The following NALF1 variants were observed in gnomAD, a reference collection of about 807,000 sequenced individuals.
The protein encoded by NALF1 is family with sequence similarity 155 member A.
Under a neutral mutation model 48.4 loss-of-function variants are expected in NALF1, and 3 were observed. That is an observed-to-expected ratio of 0.06 (90% CI 0.03 to 0.16). NALF1 has a LOEUF of 0.16. NALF1 is among the 10% of genes least tolerant of loss of function. NALF1 has a pLI of 1.00. For missense variants in NALF1, 526 were observed against 571.5 expected, an observed-to-expected ratio of 0.92 and a Z score of 0.81; for synonymous variants, 262 against 245.7, an observed-to-expected ratio of 1.07 and a Z score of -0.62.
intron 1 of NALF1, among the ~76,000 whole-genome samples, chr13:107,246,401 G>A (rs6492042): frequency 0.32 from 48,706 of 151,870 alleles, 8,220 homozygotes; most frequent in East Asian, 0.52. Flanking sequence ...TCCTGCTAGA[G>A]TATTATAAGC....
At chr13:107,643,383 A>C (rs904080369) in intron 1 of NALF1, among the ~76,000 whole-genome samples, 3 of 152,182 alleles carry the variant, frequency 2.0e-5, no homozygotes, top group African/African-American at 4.8e-5. Flanking sequence ...ACCATAGTTT[A>C]ATAAACTCTT....
chr13:107,213,435 C>T (rs897950640), intron 1 of NALF1, among the ~76,000 whole-genome samples: 1 of 152,066 alleles, frequency 6.6e-6, no homozygotes, highest in African/African-American at 2.4e-5. Context: ...TGAGCTACCT[C>T]CTGGGCTTTG....
intron 1 of NALF1, among the ~76,000 whole-genome samples, chr13:107,591,285 A>T (rs1878596488): frequency 6.6e-6 from 1 of 152,048 alleles, no homozygotes; most frequent in South Asian, 2.1e-4. Context: ...ATGCAGTGAC[A>T]TATGAGTAAC....
intron 1 of NALF1, among the ~76,000 whole-genome samples, chr13:107,645,753 T>C (rs1880299778): frequency 6.6e-6 from 1 of 151,940 alleles, no homozygotes; most frequent in Non-Finnish European, 1.5e-5. Flanking sequence ...CTTAGACTTC[T>C]GCCCTGAGCA....
At chr13:107,787,712 C>T (rs1478164920) in intron 1 of NALF1, among the ~76,000 whole-genome samples, 1 of 152,172 alleles carries the variant, frequency 6.6e-6, no homozygotes, top group Non-Finnish European at 1.5e-5. Flanking sequence ...AAAATTACTA[C>T]CAGTATAAAA....
At chr13:107,287,878 TG>T (rs1282492757) in intron 1 of NALF1, among the ~76,000 whole-genome samples, 1 of 151,512 alleles carries the variant, frequency 6.6e-6, no homozygotes, top group African/African-American at 2.4e-5. Flanking sequence ...GCTAATTTTT[TG>T]TATTTTTAGT....
chr13:107,349,535 G>T (rs1407710426), intron 1 of NALF1, among the ~76,000 whole-genome samples: 1 of 152,004 alleles, frequency 6.6e-6, no homozygotes, highest in Non-Finnish European at 1.5e-5. Context: ...GAGGTCAGGA[G>T]ATCGAGACCA....
chr13:107,297,183 G>T (rs374078232), intron 1 of NALF1, among the ~76,000 whole-genome samples: 2 of 152,070 alleles, frequency 1.3e-5, no homozygotes, highest in Non-Finnish European at 2.9e-5. Context: ...ATTATAACTT[G>T]ATTATCTCCT....
At chr13:107,465,639 A>G (rs1245217749) in intron 1 of NALF1, among the ~76,000 whole-genome samples, 1 of 152,182 alleles carries the variant, frequency 6.6e-6, no homozygotes, top group Non-Finnish European at 1.5e-5. Flanking sequence ...ACTGGCAATG[A>G]TGCTATGGCT....
At chr13:107,825,844 C>T (rs113730429) in intron 1 of NALF1, among the ~76,000 whole-genome samples, 11 of 152,242 alleles carry the variant, frequency 7.2e-5, no homozygotes, top group African/African-American at 2.2e-4. Flanking sequence ...GCAATGGCAA[C>T]ATCTCGGCTC....
At chr13:107,829,100 T>C (rs1026692644) in intron 1 of NALF1, among the ~76,000 whole-genome samples, 1 of 152,100 alleles carries the variant, frequency 6.6e-6, no homozygotes, top group Admixed American at 6.5e-5. Context: ...TGAGCAAAAG[T>C]AGACAAGCAA....
intron 1 of NALF1, among the ~76,000 whole-genome samples, chr13:107,517,245 A>G (rs1177203582): frequency 6.6e-6 from 1 of 151,570 alleles, no homozygotes. Context: ...ATAGTCTTGA[A>G]AAACTAAAAG....
intron 1 of NALF1, among the ~76,000 whole-genome samples, chr13:107,252,448 GACAGAC>G (rs1380073592): frequency 6.6e-6 from 1 of 151,360 alleles, no homozygotes; most frequent in Non-Finnish European, 1.5e-5. Flanking sequence ...GAAAGAGAGG[GACAGAC>G]ACAGAGAGGA....
chr13:107,523,593 C>T (rs16970581), intron 1 of NALF1, among the ~76,000 whole-genome samples: 7,339 of 143,302 alleles, frequency 0.051, 324 homozygotes, highest in African/African-American at 0.11. Context: ...TACAGAGTTC[C>T]AGTTGTCAAG....
rs59010695 is a variant in NALF1 at position 107,826,304 on chromosome 13, C to CGTGT, written c.915+39374_915+39377dup. On this transcript the variant is annotated intron_variant, in intron 1 of 2. Coordinates refer to ENST00000375915, the MANE Select transcript of NALF1 (RefSeq NM_001080396.3). ...GTATTTGTGTGTGTGTGCATGTGCA[C>CGTGT]GTGTGTGTGTGTGTGTGTGTAGTTC... Among the ~76,000 whole-genome samples, 43 of 150,618 alleles carry CGTGT rather than the reference C, an allele frequency of 2.9e-4. 1 individual carries two copies. The highest frequency in any genetic ancestry group is 3.5e-3 in the Middle Eastern group (1 of 286).
chr13:107,508,393 T>C (rs1251815497), intron 1 of NALF1, among the ~76,000 whole-genome samples: 1 of 150,994 alleles, frequency 6.6e-6, no homozygotes, highest in African/African-American at 2.4e-5. Flanking sequence ...TATTACTATA[T>C]ATTATATATA....
chr13:107,384,305 G>A (rs932424100), intron 1 of NALF1, among the ~76,000 whole-genome samples: 9 of 151,980 alleles, frequency 5.9e-5, no homozygotes, highest in African/African-American at 2.2e-4. Flanking sequence ...AACCCTGCCT[G>A]CTCTGTATTA....
chr13:107,741,373 A>G (rs1224991159), intron 1 of NALF1, among the ~76,000 whole-genome samples: 5 of 152,216 alleles, frequency 3.3e-5, no homozygotes, highest in African/African-American at 1.2e-4. Flanking sequence ...TTTATTGTTA[A>G]TTTACATATT....
chr13:107,630,671 C>G (rs1879812124), intron 1 of NALF1, among the ~76,000 whole-genome samples: 2 of 152,038 alleles, frequency 1.3e-5, no homozygotes, highest in Admixed American at 1.3e-4. Context: ...TTTGCATATA[C>G]AGGTATGATC....
Sources: gnomAD v4.1 joint callset for allele counts (sites outside exome capture counted in the v4.1 genomes callset) on GRCh38, gnomAD v4.1.1 for gene constraint, MANE v1.5 for transcripts, NCBI Gene and HGNC (gene_info 2026-07-23, HGNC 2026-07-21) for gene names.